The following RBFOX3 variants were observed in gnomAD, a reference collection of about 807,000 sequenced individuals.
The protein encoded by RBFOX3 is RNA binding protein fox-1 homolog 3.
RBFOX3 carries 17 observed loss-of-function variants against 48.7 expected under a neutral mutation model. The observed-to-expected ratio is 0.35, with a 90% CI of 0.24 to 0.52. RBFOX3 has a LOEUF of 0.52. Among genes scored for constraint, RBFOX3 ranks in the 20% least tolerant of loss-of-function variants. The pLI, the probability that RBFOX3 is intolerant of heterozygous loss-of-function variation, is 0.94. For missense variants in RBFOX3, 382 were observed against 497.5 expected (o/e 0.77, Z 2.21); for synonymous variants, 212 against 209.5 (o/e 1.01, Z -0.10).
chr17:79,461,962 A>G (rs564338827), intron 2 of RBFOX3, among the ~76,000 whole-genome samples: 2 of 152,216 alleles, frequency 1.3e-5, no homozygotes, highest in Non-Finnish European at 2.9e-5. Context: ...GCCAACGGGC[A>G]CCTTGATTTC....
chr17:79,449,244 A>C (rs538946128), intron 2 of RBFOX3, among the ~76,000 whole-genome samples: 1 of 152,080 alleles, frequency 6.6e-6, no homozygotes, highest in Admixed American at 6.5e-5. Flanking sequence ...ATTACAGTAG[A>C]AGCTACATGA....
chr17:79,098,693 C>A (rs954396626), intron 9 of RBFOX3: 1 of 152,368 alleles, frequency 6.6e-6, no homozygotes, highest in Admixed American at 6.5e-5. Context: ...CAGTGGGCTC[C>A]GGCTCCAGGC....
chr17:79,216,022 C>G (rs1380762926), intron 4 of RBFOX3, among the ~76,000 whole-genome samples: 1 of 152,218 alleles, frequency 6.6e-6, no homozygotes, highest in African/African-American at 2.4e-5. Context: ...CTTGGGGTCA[C>G]CCAGGGGTCC....
rs114658218 is a variant in RBFOX3, at chr17:79,411,976, A to G, written c.-175+70478T>C. Among the ~76,000 whole-genome samples the G allele has an allele frequency of 8.3e-3, 1,250 of 151,208 alleles. 13 individuals carry two copies. Among genetic ancestry groups the G allele is most frequent in the African/African-American group, 0.029 (1,197 of 41,122 alleles). ...CACGTGTGTATATATGCCTGTGGGC[A>G]TGATGTGTGTTATATAAATGTGTGT... On this transcript the variant is annotated intron_variant, in intron 2 of 14. Coordinates refer to ENST00000693108, the MANE Select transcript of RBFOX3 (RefSeq NM_001350451.2).
intron 1 of RBFOX3, among the ~76,000 whole-genome samples, chr17:79,559,376 T>C (rs1465128623): frequency 2.0e-5 from 3 of 149,660 alleles, no homozygotes; most frequent in Non-Finnish European, 4.5e-5. Flanking sequence ...GGATGGATGA[T>C]TGGATGGATG....
At chr17:79,094,627 G>A (rs1305330615) in intron 13 of RBFOX3, 98 bp from the exon 14 acceptor site, 3 of 770,206 alleles carry the variant, frequency 3.9e-6, no homozygotes, top group African/African-American at 3.7e-5. Context: ...ACACTACATG[G>A]GCACCCTGTA....
chr17:79,617,834 G>A, the RBFOX3 span, among the ~76,000 whole-genome samples: 151 of 152,340 alleles, frequency 9.9e-4, no homozygotes, highest in Non-Finnish European at 1.6e-3. Flanking sequence ...CCCGTGGCTC[G>A]CCAGCAGCTC....
chr17:79,386,544 CAGTG>C lies in RBFOX3; in HGVS notation c.-174-78724_-174-78721del, dbSNP rs2060594236. Among the ~76,000 whole-genome samples, 3 of 152,338 alleles carry C rather than the reference CAGTG, an allele frequency of 2.0e-5. No individual in the cohort carries two copies. The South Asian group carries it at 6.2e-4, about 32-fold the overall frequency. ...AGCCCTCATACTATCACCATGATGT[CAGTG>C]AGTGACAGAGGAAGGAGCCCCCAAG... On this transcript the variant is annotated intron_variant, in intron 2 of 14. Transcript: ENST00000693108.
chr17:79,464,302 G>A (rs536814287), intron 2 of RBFOX3, among the ~76,000 whole-genome samples: 1 of 152,380 alleles, frequency 6.6e-6, no homozygotes, highest in African/African-American at 2.4e-5. Context: ...GAAAGACGTT[G>A]GGGGAAATGT....
In RBFOX3 at chr17:79,313,541, GA is replaced by G. The variant is rs1370570110; in HGVS notation, c.-174-5718del. ...TGGTCAGTGTAGGGGAGCAGCCACA[GA>G]ACCCCTACAATCCTGACGAGAGTCC... On this transcript the variant is annotated intron_variant, in intron 2 of 14. Transcript: ENST00000693108. Among the ~76,000 whole-genome samples the G allele has an allele frequency of 5.3e-5, 8 of 152,320 alleles. No individual in the cohort carries two copies. In the East Asian group the frequency reaches 1.4e-3, roughly 26 times the overall value.
chr17:79,115,456 A>G (rs2033647232), intron 5 of RBFOX3, 38 bp downstream of exon 5: 1 of 1,249,064 alleles, frequency 8.0e-7, no homozygotes, highest in Non-Finnish European at 1.0e-6. Flanking sequence ...TCCTCCCTGA[A>G]GCTCCAGGGC....
At chr17:79,409,776 G>A (rs2064033143) in intron 2 of RBFOX3, among the ~76,000 whole-genome samples, 1 of 152,230 alleles carries the variant, frequency 6.6e-6, no homozygotes, top group East Asian at 1.9e-4. Context: ...GTGCCATGGG[G>A]TCAGGCTGGG....
chr17:79,300,857 G>T (rs1360551140), intron 3 of RBFOX3, among the ~76,000 whole-genome samples: 2 of 152,136 alleles, frequency 1.3e-5, no homozygotes, highest in African/African-American at 4.8e-5. Context: ...ATGGGTCTTG[G>T]GAGAAAATGG....
At chr17:79,613,067 G>A (rs1005421391), upstream of RBFOX3, among the ~76,000 whole-genome samples, 7 of 152,232 alleles carry the variant, frequency 4.6e-5, no homozygotes, top group Non-Finnish European at 1.0e-4. Flanking sequence ...CTGTGAAGTG[G>A]GGACACATTG....
chr17:79,476,492 C>CCA (rs1176022526), intron 2 of RBFOX3, among the ~76,000 whole-genome samples: 2 of 152,202 alleles, frequency 1.3e-5, no homozygotes, highest in African/African-American at 4.8e-5. Flanking sequence ...ATCACAAATG[C>CCA]CACTGAGGTC....
chr17:79,238,291 T>C (rs1387837776), intron 3 of RBFOX3, among the ~76,000 whole-genome samples: 1 of 152,186 alleles, frequency 6.6e-6, no homozygotes, highest in Non-Finnish European at 1.5e-5. Context: ...TCCAATTCAA[T>C]ACAATTTGAT....
chr17:79,323,445 G>A (rs559151859), intron 2 of RBFOX3, among the ~76,000 whole-genome samples: 31 of 152,308 alleles, frequency 2.0e-4, no homozygotes, highest in South Asian at 1.9e-3. Context: ...AGATGGTTGC[G>A]AGAGGTCCAC....
At position 79,473,722 on chromosome 17, in the gene RBFOX3, G is replaced by A. The variant is rs1340321036; in HGVS notation, c.-175+8732C>T. The stretch of plus-strand genomic sequence containing the variant: ...ACTCAGCAATGCTCAGCAATGCAAG[G>A]TCACTCAGAAACACCATCTGTCCAA... On this transcript the variant is annotated intron_variant, in intron 2 of 14. Coordinates refer to ENST00000693108, the MANE Select transcript of RBFOX3 (RefSeq NM_001350451.2). The surrounding 1 kb of genome is among the most constrained non-coding windows in gnomAD (Gnocchi z 4.2). Among the ~76,000 whole-genome samples the A allele has an allele frequency of 1.3e-5, 2 of 152,092 alleles. No homozygotes were observed. The highest frequency in any genetic ancestry group is 2.4e-5 in the African/African-American group (1 of 41,406).
Position 79,450,726 on chromosome 17 carries a change from T to C in RBFOX3, c.-175+31728A>G, listed in dbSNP as rs1271993156. On this transcript the variant is annotated intron_variant, in intron 2 of 14. Coordinates refer to ENST00000693108, the MANE Select transcript of RBFOX3 (RefSeq NM_001350451.2). ...AGCAACTCATCGTGATCCAAAGTGC[T>C]ACACTACTGAAGATCAGGAGGACCC... Among the ~76,000 whole-genome samples the C allele has an allele frequency of 1.4e-4, 21 of 152,126 alleles. 1 individual carries two copies. The highest frequency in any genetic ancestry group is 1.3e-3 in the Admixed American group (20 of 15,274).
Sources: allele counts gnomAD v4.1 joint callset (sites outside exome capture counted in the v4.1 genomes callset), GRCh38; gene constraint gnomAD v4.1.1; non-coding constraint Gnocchi (gnomAD v3.1); transcripts MANE v1.5; gene names NCBI Gene and HGNC (gene_info 2026-07-23, HGNC 2026-07-21).